Variants in JARID2 observed in about 807,000 individuals in gnomAD.
The protein encoded by JARID2 is jumonji and AT-rich interaction domain containing 2.
A neutral mutation model predicts 125.6 loss-of-function variants in JARID2; 21 were observed. The ratio of observed to expected loss-of-function variants is 0.17; its 90% CI spans 0.12 to 0.24. The LOEUF is 0.24. Ranked by LOEUF, JARID2 falls within the 10% of genes least tolerant of loss-of-function variation. The pLI is 1.00. For synonymous variants in JARID2, 736 were observed against 661.6 expected (o/e 1.11, Z -1.73); for missense variants, 1,303 against 1,639.6 (o/e 0.79, Z 3.55).
intron 2 of JARID2, among the ~76,000 whole-genome samples, chr6:15,396,973 A>G (rs1163419643): frequency 2.0e-5 from 3 of 152,200 alleles, no homozygotes; most frequent in Admixed American, 1.3e-4. Context: ...CCTTGTTGAC[A>G]TGTTAGCTAT....
chr6:15,375,601 C>T (rs2127518174), intron 2 of JARID2, among the ~76,000 whole-genome samples: 1 of 152,282 alleles, frequency 6.6e-6, no homozygotes, highest in East Asian at 1.9e-4. Flanking sequence ...AGAGAGGGAC[C>T]CTAGCCATTC....
intron 8 of JARID2, 103 bp from the exon 9 acceptor site, chr6:15,504,397 G>T: frequency 1.3e-6 from 1 of 799,442 alleles, no homozygotes; most frequent in Non-Finnish European, 2.2e-6. Context: ...GCCCACAGCC[G>T]CAGGGACGCC....
intron 1 of JARID2, among the ~76,000 whole-genome samples, chr6:15,371,386 G>T (rs1764167595): frequency 6.6e-6 from 1 of 152,174 alleles, no homozygotes. Flanking sequence ...TCACGTCATT[G>T]TTTGTTGTGG....
At chr6:15,430,715 A>G (rs1000928909) in intron 3 of JARID2, among the ~76,000 whole-genome samples, 35 of 152,048 alleles carry the variant, frequency 2.3e-4, no homozygotes, top group African/African-American at 8.0e-4. Flanking sequence ...GGGTTGTGGG[A>G]CTTGTGGGGC....
chr6:15,339,090 G>T (rs760822108), intron 1 of JARID2, among the ~76,000 whole-genome samples: 9 of 152,120 alleles, frequency 5.9e-5, no homozygotes, highest in Admixed American at 5.9e-4. Flanking sequence ...AGTACTAATG[G>T]ATGACCTTAA....
At chr6:15,250,445 AC>A (rs1759401403) in intron 1 of JARID2, among the ~76,000 whole-genome samples, 1 of 152,116 alleles carries the variant, frequency 6.6e-6, no homozygotes, top group African/African-American at 2.4e-5. Flanking sequence ...TGGGATGTTT[AC>A]GTGGCTTTTC....
chr6:15,393,122 GTTC>G (rs1282557362), intron 2 of JARID2, among the ~76,000 whole-genome samples: 4 of 152,156 alleles, frequency 2.6e-5, no homozygotes, highest in Admixed American at 6.5e-5. Flanking sequence ...CCTATGCTCT[GTTC>G]TTGCTTTTGG....
At chr6:15,275,533 G>GGCC (rs1324252786) in intron 1 of JARID2, among the ~76,000 whole-genome samples, 1 of 18,708 alleles carries the variant, frequency 5.3e-5, no homozygotes, top group East Asian at 1.9e-3. Context: ...CGCCCCCCCC[G>GGCC]CCCCCCCCCC....
rs538410969 is a variant in JARID2 at position 15,357,338 on chromosome 6, C to T, written c.46-16779C>T. 9.2e-5 allele frequency among the ~76,000 whole-genome samples: 14 copies of T among 152,312 alleles called. No individual in the cohort carries two copies. The South Asian group carries it at 1.7e-3, about 18-fold the overall frequency. Reference sequence around the variant, plus strand: ...CAAATAAAATACAGTACAATTTACACGGGCTTGGTTTCTGAGGCAAATGTG... The same window carrying T: ...CAAATAAAATACAGTACAATTTACATGGGCTTGGTTTCTGAGGCAAATGTG... On this transcript the variant is annotated intron_variant, in intron 1 of 17. Coordinates refer to ENST00000341776, the MANE Select transcript of JARID2 (RefSeq NM_004973.4).
intron 9 of JARID2, among the ~76,000 whole-genome samples, chr6:15,504,837 G>A (rs918987727): frequency 5.3e-5 from 8 of 152,156 alleles, no homozygotes; most frequent in Non-Finnish European, 1.0e-4. Context: ...TGCAGGGGAC[G>A]GGTTCTGGGC....
intron 3 of JARID2, among the ~76,000 whole-genome samples, chr6:15,416,461 G>A (rs1468025434): frequency 1.3e-5 from 2 of 152,158 alleles, no homozygotes; most frequent in Admixed American, 1.3e-4. Flanking sequence ...CGAGGCTGGC[G>A]GATCACTCGC....
rs1465416754 is a variant in JARID2 at position 15,479,949 on chromosome 6, CAA to C, written c.671-7356_671-7355del. ...CCATTGTTTTCAGACAATAGTGACT[CAA>C]AGTTGAACTGGCTCCAGGGAGCAAG... On this transcript the variant is annotated intron_variant, in intron 5 of 17. Transcript: ENST00000341776. Among the ~76,000 whole-genome samples the C allele has an allele frequency of 3.3e-5, 5 of 152,322 alleles. No homozygotes were observed. The South Asian group carries it at 6.2e-4, about 19-fold the overall frequency.
intron 5 of JARID2, among the ~76,000 whole-genome samples, chr6:15,470,749 T>C (rs1360774380): frequency 6.6e-6 from 1 of 152,074 alleles, no homozygotes; most frequent in Non-Finnish European, 1.5e-5. Flanking sequence ...GAGAGCTGCA[T>C]ATGTGAATTG....
intron 1 of JARID2, among the ~76,000 whole-genome samples, chr6:15,281,993 A>G (rs963327733): frequency 6.6e-6 from 1 of 150,610 alleles, no homozygotes; most frequent in Non-Finnish European, 1.5e-5. Flanking sequence ...TCAGTTGCCA[A>G]GGCTGGAGTG....
chr6:15,448,751 G>A (rs929551268), intron 3 of JARID2, among the ~76,000 whole-genome samples: 2 of 152,050 alleles, frequency 1.3e-5, no homozygotes, highest in Non-Finnish European at 2.9e-5. Context: ...GTTGGAATGT[G>A]GACCAAGGGT....
At chr6:15,465,815 T>TTTG (rs1343242980) in intron 4 of JARID2, among the ~76,000 whole-genome samples, 128 of 133,948 alleles carry the variant, frequency 9.6e-4, no homozygotes, top group African/African-American at 3.4e-3. Flanking sequence ...TGTTTGTTTG[T>TTTG]TTTTTTGAGA....
intron 1 of JARID2, among the ~76,000 whole-genome samples, chr6:15,271,892 C>T (rs554853714): frequency 1.4e-4 from 21 of 152,188 alleles, no homozygotes; most frequent in Admixed American, 3.3e-4. Flanking sequence ...CCCAGCTACT[C>T]GGGAGGCTGA....
intron 3 of JARID2, among the ~76,000 whole-genome samples, chr6:15,439,048 AG>A (rs1359828583): frequency 6.7e-6 from 1 of 148,832 alleles, no homozygotes; most frequent in Non-Finnish European, 1.5e-5. Flanking sequence ...AAAAAAAAAA[AG>A]GTGTGGGGGG....
intron 2 of JARID2, among the ~76,000 whole-genome samples, chr6:15,404,304 A>G (rs1441541632): frequency 6.6e-6 from 1 of 152,234 alleles, no homozygotes; most frequent in Non-Finnish European, 1.5e-5. Flanking sequence ...CATATTGACC[A>G]TGCCAAGCAG....
Sources: allele counts gnomAD v4.1 joint callset (sites outside exome capture counted in the v4.1 genomes callset), GRCh38; gene constraint gnomAD v4.1.1; transcripts MANE v1.5; gene names NCBI Gene and HGNC (gene_info 2026-07-23, HGNC 2026-07-21).